Variants in PTPRR observed in about 807,000 individuals in gnomAD.
PTPRR encodes the protein receptor-type tyrosine-protein phosphatase R.
Under a neutral mutation model 77.2 loss-of-function variants are expected in PTPRR, and 38 were observed. The observed-to-expected ratio is 0.49, with a 90% CI of 0.38 to 0.65. The LOEUF (loss-of-function observed/expected upper bound fraction) is 0.65. PTPRR is among the 30% of genes least tolerant of loss of function. PTPRR has a pLI of 0.00. For synonymous variants in PTPRR, 299 were observed against 283.1 expected (o/e 1.06, Z -0.57); for missense variants, 744 against 799.2 (o/e 0.93, Z 0.83).
At chr12:70,869,039 T>G (rs1176886999) in intron 2 of PTPRR, among the ~76,000 whole-genome samples, 106 of 47,200 alleles carry the variant, frequency 2.2e-3, no homozygotes, top group African/African-American at 7.0e-3. Context: ...TGTTGTGGGG[T>G]GGGGGGAGGG....
intron 13 of PTPRR, among the ~76,000 whole-genome samples, chr12:70,654,491 C>T (rs111237345): frequency 3.2e-4 from 48 of 152,202 alleles, no homozygotes; most frequent in African/African-American, 9.4e-4. Context: ...GCCATGATCA[C>T]GCCACTGCAC....
chr12:70,901,608 T>C (rs35550056), intron 1 of PTPRR, among the ~76,000 whole-genome samples: 2,346 of 151,632 alleles, frequency 0.015, 27 homozygotes, highest in African/African-American at 0.025. Context: ...AAAAATCAAC[T>C]CAAGATGGAT....
intron 6 of PTPRR, among the ~76,000 whole-genome samples, chr12:70,703,255 T>C (rs1888498661): frequency 6.6e-6 from 1 of 152,214 alleles, no homozygotes; most frequent in Non-Finnish European, 1.5e-5. Context: ...CTTTAAAAAA[T>C]GAATATTGAT....
chr12:70,713,565 C>CTTT (rs35168919), intron 6 of PTPRR, among the ~76,000 whole-genome samples: 3,719 of 140,556 alleles, frequency 0.026, 89 homozygotes, highest in East Asian at 0.071. Context: ...TTGCTGCTGC[C>CTTT]TTTTTTTTTT....
At chr12:70,662,659 G>A in intron 10 of PTPRR, 54 bp from the exon 11 acceptor site, 1 of 1,029,320 alleles carries the variant, frequency 9.7e-7, no homozygotes, top group Non-Finnish European at 1.5e-6. Flanking sequence ...ATTAGCCATG[G>A]AGTACTTTTC....
chr12:70,688,874 CT>C (rs1887962311), intron 8 of PTPRR, among the ~76,000 whole-genome samples: 1 of 152,192 alleles, frequency 6.6e-6, no homozygotes, highest in Admixed American at 6.5e-5. Flanking sequence ...GCAGGAAATT[CT>C]GTCATTTGTG....
In PTPRR at chr12:70,660,950, C is replaced by A. The variant is rs1341706550; in HGVS notation, c.1756G>T (p.Val586Phe). The A allele has an allele frequency of 6.2e-7, 1 of 1,612,906 alleles. No individual in the cohort carries two copies. The highest frequency in any genetic ancestry group is 8.5e-7 in the Non-Finnish European group (1 of 1,179,484). The change falls in exon 12 of 14, where the codon GTC becomes TTC. Residue 586 changes from valine (V) to phenylalanine (F), a missense_variant. Val to Phe is a conservative substitution (Grantham distance 50). Around this residue, in one of 3 missense-constraint regions of PTPRR, gnomAD observed 170 missense variants for 209.8 expected, o/e 0.81. Coordinates refer to ENST00000283228, the MANE Select transcript of PTPRR (RefSeq NM_002849.4). ...LASQGRGPVV[V>F]HCSAGIGRTG... ...CCATACACGTCTTACCTGCAGTGGA[C>A]AACCACAGGCCCTCGGCCCTGGGAA...
chr12:70,641,974 G>T (rs1448127165), intron 13 of PTPRR, among the ~76,000 whole-genome samples: 1 of 152,084 alleles, frequency 6.6e-6, no homozygotes, highest in Non-Finnish European at 1.5e-5. Context: ...TGTACAGCCT[G>T]GTTTTTCTGT....
chr12:70,788,840 GTGA>G lies in PTPRR; in HGVS notation c.358-24065_358-24063del, dbSNP rs1891374465. 9 of 1,525,096 alleles carry G rather than the reference GTGA, an allele frequency of 5.9e-6. No homozygotes were observed. In the South Asian group the frequency reaches 9.7e-5, roughly 16 times the overall value. The allele number at this position is 1,525,096 out of a possible 1,614,324, so 94.5% of individuals were successfully genotyped here. ...CCTGTTTGGAAATTGACTGCATGTT[GTGA>G]TGAAGTCGACTTCCATTTGCACTCT... On this transcript the variant is annotated intron_variant, in intron 2 of 13. Coordinates refer to ENST00000283228, the MANE Select transcript of PTPRR (RefSeq NM_002849.4).
intron 2 of PTPRR, among the ~76,000 whole-genome samples, chr12:70,767,025 G>A (rs993896512): frequency 5.9e-5 from 9 of 152,032 alleles, no homozygotes; most frequent in African/African-American, 1.9e-4. Context: ...CGCTAAACAT[G>A]GAAAGGAACA....
chr12:70,805,185 C>T (rs1240487679), intron 2 of PTPRR, among the ~76,000 whole-genome samples: 11 of 151,976 alleles, frequency 7.2e-5, no homozygotes, highest in Admixed American at 2.6e-4. Context: ...TTAATTAGAT[C>T]TTACTGATGG....
At chr12:70,704,475 G>T (rs1467753780) in intron 6 of PTPRR, among the ~76,000 whole-genome samples, 3 of 151,608 alleles carry the variant, frequency 2.0e-5, no homozygotes, top group Non-Finnish European at 2.9e-5. Context: ...CCAGATAAAA[G>T]AGGATCCAGA....
intron 4 of PTPRR, among the ~76,000 whole-genome samples, chr12:70,760,579 A>C (rs1399849159): frequency 6.6e-6 from 1 of 152,188 alleles, no homozygotes; most frequent in African/African-American, 2.4e-5. Flanking sequence ...GAATTGCTTG[A>C]GGCCAGGCAT....
chr12:70,777,654 C>T (rs12369285), intron 2 of PTPRR, among the ~76,000 whole-genome samples: 16,336 of 152,184 alleles, frequency 0.11, 1,130 homozygotes, highest in African/African-American at 0.19. Flanking sequence ...TTCAGTCTTA[C>T]GCAGTTAACA....
chr12:70,918,808 T>C (rs1019036762), intron 1 of PTPRR, among the ~76,000 whole-genome samples: 1 of 152,212 alleles, frequency 6.6e-6, no homozygotes, highest in African/African-American at 2.4e-5. Context: ...TGTCAGTCTA[T>C]TATTAAGCAA....
At chr12:70,846,719 G>C (rs1892491288) in intron 2 of PTPRR, among the ~76,000 whole-genome samples, 1 of 152,096 alleles carries the variant, frequency 6.6e-6, no homozygotes, top group Non-Finnish European at 1.5e-5. Context: ...GAACCAGAGA[G>C]TGAGCCCTCA....
At chr12:70,886,441 T>A (rs888506885) in intron 2 of PTPRR, among the ~76,000 whole-genome samples, 2 of 152,346 alleles carry the variant, frequency 1.3e-5, no homozygotes, top group East Asian at 3.9e-4. Flanking sequence ...TTCTAGGCTT[T>A]CTTAAAAATA....
intron 4 of PTPRR, among the ~76,000 whole-genome samples, chr12:70,760,095 T>C (rs972093402): frequency 1.2e-4 from 18 of 152,208 alleles, no homozygotes; most frequent in Non-Finnish European, 2.4e-4. Context: ...TATATTCTCA[T>C]TGTGCCAAGT....
At chr12:70,722,687 T>C (rs567545746) in intron 6 of PTPRR, among the ~76,000 whole-genome samples, 1 of 152,276 alleles carries the variant, frequency 6.6e-6, no homozygotes, top group South Asian at 2.1e-4. Context: ...AGACTCATTA[T>C]GAAGAAAATA....
Sources: allele counts gnomAD v4.1 joint callset (sites outside exome capture counted in the v4.1 genomes callset), GRCh38; gene constraint gnomAD v4.1.1; regional missense constraint gnomAD v4.1.1; transcripts MANE v1.5; gene names NCBI Gene and HGNC (gene_info 2026-07-23, HGNC 2026-07-21).